The following AP1B1 variants were observed in gnomAD, a reference collection of about 807,000 sequenced individuals.
AP1B1 encodes the protein AP-1 complex subunit beta-1.
AP1B1 carries 36 observed loss-of-function variants against 104.3 expected under a neutral mutation model. The ratio of observed to expected loss-of-function variants is 0.35; its 90% CI spans 0.26 to 0.46. The LOEUF (loss-of-function observed/expected upper bound fraction) is 0.46, where lower values mean the gene tolerates loss of function less well. Among genes scored for constraint, AP1B1 ranks in the 20% least tolerant of loss-of-function variants. AP1B1 has a pLI of 1.00. For missense variants in AP1B1, 901 were observed against 1,247.9 expected (o/e 0.72, Z 4.19); for synonymous variants, 504 against 517.5 (o/e 0.97, Z 0.35).
chr22:29,379,151 C>G (rs2348468), intron 1 of AP1B1, among the ~76,000 whole-genome samples: 53,788 of 151,988 alleles, frequency 0.35, 10,439 homozygotes, highest in East Asian at 0.67. Context: ...GTGAGGAGTT[C>G]GAGACCAGCT....
At position 29,358,909 on chromosome 22, in the gene AP1B1, G is replaced by A. The variant is rs768308427; in HGVS notation, c.342C>T (p.Arg114=). The part of the protein sequence containing the change: ...ALAVRTMGCI[R]VDKITEYLCE... ...ACAGGTACTCTGTGATCTTGTCAACGCGGATGCAGCCCATGGTCCGCACTG... is the reference window on the plus strand; with the variant it reads ...ACAGGTACTCTGTGATCTTGTCAACACGGATGCAGCCCATGGTCCGCACTG... Residue 114 remains arginine (R), a synonymous_variant, in exon 5 of 23, where the codon CGC becomes CGT. Transcript: ENST00000357586. 24 of 1,613,044 alleles carry A rather than the reference G, an allele frequency of 1.5e-5. No homozygotes were observed. In the Middle Eastern group the frequency reaches 2.8e-3, roughly 189 times the overall value.
At position 29,331,879 on chromosome 22, in the gene AP1B1, C is replaced by A. The variant is rs546260476; in HGVS notation, c.2347G>T (p.Ala783Ser). 6.2e-7 allele frequency: 1 copy of A among 1,612,592 alleles called. No homozygotes were observed. Among genetic ancestry groups the A allele is most frequent in the Non-Finnish European group, 8.5e-7 (1 of 1,179,174 alleles). The change falls in exon 18 of 23, where the codon GCG becomes TCG. Residue 783 changes from alanine to serine, a missense_variant. Around this residue, in one of 3 missense-constraint regions of AP1B1, gnomAD observed 424 missense variants for 494.0 expected, o/e 0.86. Transcript: ENST00000357586. Reference protein sequence around the residue: ...LAPAAPLQVHAPLSPNQTVEI... With the variant: ...LAPAAPLQVHSPLSPNQTVEI... ...ACTGTCTGGTTGGGGCTGAGTGGCGCGTGGACCTGGAGGGGGGCGGCGGGG... is the reference window on the plus strand; with the variant it reads ...ACTGTCTGGTTGGGGCTGAGTGGCGAGTGGACCTGGAGGGGGGCGGCGGGG...
chr22:29,342,754 G>C (rs192552380), intron 11 of AP1B1, among the ~76,000 whole-genome samples: 14 of 152,264 alleles, frequency 9.2e-5, no homozygotes, highest in African/African-American at 3.4e-4. Context: ...CTGTCAACAA[G>C]TGGCGACAGT....
intron 16 of AP1B1, among the ~76,000 whole-genome samples, chr22:29,335,107 GCT>G (rs1250441943): frequency 6.6e-6 from 1 of 152,192 alleles, no homozygotes; most frequent in Non-Finnish European, 1.5e-5. Context: ...TGAGGGAAAG[GCT>G]CTGTTTTTCT....
chr22:29,362,153 C>T (rs903165903), intron 3 of AP1B1, among the ~76,000 whole-genome samples: 13 of 151,960 alleles, frequency 8.6e-5, no homozygotes, highest in African/African-American at 2.9e-4. Context: ...ACAGGGGAAG[C>T]ATGAGCCAAG....
intron 16 of AP1B1, 106 bp downstream of exon 16, chr22:29,338,884 C>T: frequency 6.7e-7 from 1 of 1,497,420 alleles, no homozygotes. Flanking sequence ...TCCCTCATCA[C>T]TGCTGGCCTG....
intron 16 of AP1B1, among the ~76,000 whole-genome samples, chr22:29,336,013 G>A (rs2061632716): frequency 6.6e-6 from 1 of 152,196 alleles, no homozygotes; most frequent in Non-Finnish European, 1.5e-5. Context: ...CCAAGGCTGG[G>A]GATGCAGACC....
intron 16 of AP1B1, among the ~76,000 whole-genome samples, chr22:29,334,672 T>C (rs2061611997): frequency 6.6e-6 from 1 of 152,072 alleles, no homozygotes; most frequent in Non-Finnish European, 1.5e-5. Flanking sequence ...AGGGCTGACG[T>C]TGAGTCCTCA....
At chr22:29,375,098 C>T (rs2062313793) in intron 1 of AP1B1, among the ~76,000 whole-genome samples, 1 of 152,232 alleles carries the variant, frequency 6.6e-6, no homozygotes, top group Admixed American at 6.5e-5. Flanking sequence ...TGCCTGTGAT[C>T]CCAGCACTTC....
chr22:29,378,399 T>C (rs1429561903), intron 1 of AP1B1, among the ~76,000 whole-genome samples: 1 of 150,564 alleles, frequency 6.6e-6, no homozygotes, highest in Admixed American at 6.6e-5. Flanking sequence ...TCTACAAAAA[T>C]ACAATTAGCC....
intron 7 of AP1B1, among the ~76,000 whole-genome samples, chr22:29,352,509 G>T (rs1175132028): frequency 6.6e-6 from 1 of 152,156 alleles, no homozygotes; most frequent in Non-Finnish European, 1.5e-5. Flanking sequence ...ACTCCCCATG[G>T]GAAGGAGGAG....
chr22:29,340,828 G>A lies in AP1B1; in HGVS notation c.1826C>T (p.Ala609Val). ...SSESAESPET[A>V]PTGAPPGEQP... is the part of the protein sequence containing the mutation. ...CTCCCCAGGAGGTGCTCCAGTAGGG[G>A]CTGTCTCAGGGCTCTCTGCGCTCTC... Residue 609 changes from alanine to valine, a missense_variant, in exon 14 of 23, where the codon GCC becomes GTC. Transcript: ENST00000357586. The A allele has an allele frequency of 6.3e-7, 1 of 1,598,256 alleles. No individual in the cohort carries two copies. The highest frequency in any genetic ancestry group is 8.5e-7 in the Non-Finnish European group (1 of 1,174,094).
At chr22:29,341,353 T>A (rs2061711566) in intron 13 of AP1B1, 148 bp downstream of exon 13, 5 of 1,012,948 alleles carry the variant, frequency 4.9e-6, no homozygotes, top group African/African-American at 1.6e-5. Context: ...GCAAATACCT[T>A]GTGTACAATA....
At chr22:29,334,440 G>A (rs1876481079) in intron 16 of AP1B1, 30 bp from the exon 17 acceptor site, 1 of 1,577,454 alleles carries the variant, frequency 6.3e-7, no homozygotes, top group African/African-American at 1.4e-5. Context: ...GAGGGGGCGG[G>A]TAGGTGCCTC....
At chr22:29,329,013 G>C in intron 22 of AP1B1, 118 bp from the exon 23 acceptor site, 2 of 1,491,580 alleles carry the variant, frequency 1.3e-6, no homozygotes, top group South Asian at 2.6e-5. Flanking sequence ...CACACAGCCT[G>C]GCGGCAGCTG....
chr22:29,371,321 T>C (rs553890629), intron 1 of AP1B1, among the ~76,000 whole-genome samples: 9 of 152,204 alleles, frequency 5.9e-5, no homozygotes, highest in Non-Finnish European at 1.0e-4. Flanking sequence ...GAAAGACTGG[T>C]GTTTTTCCTG....
chr22:29,345,650 G>A (rs190595477), intron 11 of AP1B1, among the ~76,000 whole-genome samples: 3,643 of 146,356 alleles, frequency 0.025, 60 homozygotes, highest in Non-Finnish European at 0.039. Flanking sequence ...GGTTACAGGC[G>A]TGAGCCGCTG....
At chr22:29,387,701 GC>G (rs2148070714) in intron 1 of AP1B1, among the ~76,000 whole-genome samples, 1 of 152,190 alleles carries the variant, frequency 6.6e-6, no homozygotes, top group East Asian at 1.9e-4. Context: ...AGAAAACCTG[GC>G]CTTGCCTCTA....
At chr22:29,385,619 G>C (rs539395858) in intron 1 of AP1B1, among the ~76,000 whole-genome samples, 2 of 152,316 alleles carry the variant, frequency 1.3e-5, no homozygotes, top group African/African-American at 4.8e-5. Context: ...CAACTGCTCT[G>C]TTGACATTTT....
Sources: allele counts gnomAD v4.1 joint callset (sites outside exome capture counted in the v4.1 genomes callset), GRCh38; gene constraint gnomAD v4.1.1; regional missense constraint gnomAD v4.1.1; transcripts MANE v1.5; gene names NCBI Gene and HGNC (gene_info 2026-07-23, HGNC 2026-07-21).